CADM2: variants seen among roughly 807,000 people sequenced by gnomAD.
CADM2 encodes immunoglobulin superfamily member 4D.
A neutral mutation model predicts 49.8 loss-of-function variants in CADM2; 12 were observed. The observed-to-expected ratio is 0.24, with a 90% CI of 0.15 to 0.39. The LOEUF (loss-of-function observed/expected upper bound fraction) is 0.39. Among genes scored for constraint, CADM2 ranks in the 10% least tolerant of loss-of-function variants. The pLI is 1.00. For missense variants in CADM2, 378 were observed against 492.3 expected, an observed-to-expected ratio of 0.77 and a Z score of 2.20; for synonymous variants, 214 against 175.4, an observed-to-expected ratio of 1.22 and a Z score of -1.74.
intron 1 of CADM2, among the ~76,000 whole-genome samples, chr3:85,094,678 A>G (rs973535749): frequency 1.3e-5 from 2 of 152,218 alleles, no homozygotes; most frequent in Non-Finnish European, 2.9e-5. Flanking sequence ...CTTCATTATG[A>G]AACGCATGTT....
At chr3:85,714,840 T>C (rs1030233144) in intron 1 of CADM2, among the ~76,000 whole-genome samples, 7 of 152,136 alleles carry the variant, frequency 4.6e-5, no homozygotes, top group African/African-American at 1.7e-4. Flanking sequence ...CTCCAGGTGG[T>C]GGTGTCCTCC....
chr3:85,685,457 TTG>T (rs1005919820), intron 1 of CADM2, among the ~76,000 whole-genome samples: 68 of 152,226 alleles, frequency 4.5e-4, no homozygotes, highest in African/African-American at 1.5e-3. Flanking sequence ...AGGCTATGTA[TTG>T]TGTGGGGGCA....
At chr3:85,201,231 T>G (rs1236392860) in intron 1 of CADM2, among the ~76,000 whole-genome samples, 2 of 152,158 alleles carry the variant, frequency 1.3e-5, no homozygotes, top group Admixed American at 6.5e-5. Context: ...ATCACCACAA[T>G]AAAGAATATA....
intron 1 of CADM2, among the ~76,000 whole-genome samples, chr3:85,136,465 T>C (rs1360347254): frequency 6.6e-6 from 1 of 151,994 alleles, no homozygotes; most frequent in Non-Finnish European, 1.5e-5. Context: ...CTGAACAACA[T>C]GTTCAATATG....
intron 8 of CADM2, among the ~76,000 whole-genome samples, chr3:86,010,278 T>C (rs984462108): frequency 1.3e-5 from 2 of 152,090 alleles, no homozygotes; most frequent in Admixed American, 1.3e-4. Context: ...CATACAATTC[T>C]GCTCTTCAAA....
chr3:85,312,739 G>A (rs2044376965), intron 1 of CADM2, among the ~76,000 whole-genome samples: 1 of 151,936 alleles, frequency 6.6e-6, no homozygotes, highest in African/African-American at 2.4e-5. Context: ...TATCAATGGG[G>A]AATAAATCCA....
At chr3:85,761,051 G>A (rs9309990) in intron 2 of CADM2, among the ~76,000 whole-genome samples, 21,954 of 151,946 alleles carry the variant, frequency 0.14, 2,016 homozygotes, top group Non-Finnish European at 0.2. Flanking sequence ...TTCAACTCTC[G>A]CTAAGGCAGG....
intron 1 of CADM2, among the ~76,000 whole-genome samples, chr3:85,419,222 G>A (rs971240621): frequency 2.0e-5 from 3 of 152,168 alleles, no homozygotes; most frequent in South Asian, 2.1e-4. Flanking sequence ...TTGGGAGGCC[G>A]AGATGGGTGG....
At chr3:85,901,946 G>C (rs150489722) in intron 5 of CADM2, among the ~76,000 whole-genome samples, 67 of 152,220 alleles carry the variant, frequency 4.4e-4, no homozygotes, top group African/African-American at 1.5e-3. Context: ...CTGTGTTGTA[G>C]CATATATCAG....
intron 6 of CADM2, among the ~76,000 whole-genome samples, chr3:85,928,393 A>G (rs987152292): frequency 6.6e-6 from 1 of 152,032 alleles, no homozygotes; most frequent in African/African-American, 2.4e-5. Flanking sequence ...TCCTGACCTC[A>G]TGATCCGTCC....
chr3:84,989,503 A>G (rs1016631156), intron 1 of CADM2, among the ~76,000 whole-genome samples: 2 of 152,098 alleles, frequency 1.3e-5, no homozygotes, highest in African/African-American at 4.8e-5. Flanking sequence ...AGATAATTTC[A>G]GGAGAATATT....
intron 1 of CADM2, among the ~76,000 whole-genome samples, chr3:85,177,791 G>A (rs577629054): frequency 2.0e-5 from 3 of 151,916 alleles, no homozygotes; most frequent in South Asian, 2.1e-4. Context: ...GATGAGTAGT[G>A]TATCATGCCA....
intron 7 of CADM2, among the ~76,000 whole-genome samples, chr3:85,940,031 A>C (rs1298312008): frequency 1.3e-5 from 2 of 150,894 alleles, no homozygotes; most frequent in African/African-American, 4.9e-5. Flanking sequence ...AACAAAAAAA[A>C]AACAGACAAA....
At chr3:85,904,655 G>C (rs779983567) in intron 5 of CADM2, among the ~76,000 whole-genome samples, 2 of 152,176 alleles carry the variant, frequency 1.3e-5, no homozygotes, top group Non-Finnish European at 2.9e-5. Context: ...GTTTTCACTA[G>C]TTATGGTTGT....
chr3:85,282,867 G>T (rs2106897043), intron 1 of CADM2, among the ~76,000 whole-genome samples: 1 of 152,086 alleles, frequency 6.6e-6, no homozygotes, highest in East Asian at 1.9e-4. Context: ...AGAATACATT[G>T]TATGCTTAAA....
chr3:85,752,747 AT>A (rs1040119535), intron 2 of CADM2, among the ~76,000 whole-genome samples: 3 of 151,682 alleles, frequency 2.0e-5, no homozygotes, highest in East Asian at 1.9e-4. Context: ...AAAATCATGG[AT>A]TTTTTTTTCT....
intron 1 of CADM2, among the ~76,000 whole-genome samples, chr3:85,178,599 A>G (rs534140528): frequency 6.6e-6 from 1 of 151,872 alleles, no homozygotes; most frequent in Non-Finnish European, 1.5e-5. Flanking sequence ...AGAAATATGC[A>G]CTGAGATATT....
intron 1 of CADM2, among the ~76,000 whole-genome samples, chr3:85,688,939 A>G (rs1405763395): frequency 6.6e-6 from 1 of 152,170 alleles, no homozygotes. Flanking sequence ...CTATGTAGTT[A>G]CCCAAGAGAA....
chr3:85,641,198 A>T (rs2107551653), intron 1 of CADM2, among the ~76,000 whole-genome samples: 1 of 152,262 alleles, frequency 6.6e-6, no homozygotes, highest in Non-Finnish European at 1.5e-5. Context: ...ATCTTTTCTT[A>T]GCTAAAAAAA....
Sources: gnomAD v4.1 joint callset for allele counts (sites outside exome capture counted in the v4.1 genomes callset) on GRCh38, gnomAD v4.1.1 for gene constraint, MANE v1.5 for transcripts, NCBI Gene and HGNC (gene_info 2026-07-23, HGNC 2026-07-21) for gene names.